CRAMP1: variants seen among roughly 807,000 people sequenced by gnomAD.
CRAMP1 encodes the protein cramped chromatin regulator 1, also known as protein cramped-like.
A neutral mutation model predicts 115.4 loss-of-function variants in CRAMP1; 50 were observed. The observed-to-expected ratio is 0.43, with a 90% CI of 0.35 to 0.55. The LOEUF (loss-of-function observed/expected upper bound fraction) is 0.55, where lower values mean the gene tolerates loss of function less well. Among genes scored for constraint, CRAMP1 ranks in the 20% least tolerant of loss-of-function variants. The pLI is 0.01. For synonymous variants in CRAMP1, 866 were observed against 745.4 expected (o/e 1.16, Z -2.64); for missense variants, 1,679 against 1,721.7 (o/e 0.98, Z 0.44).
intron 3 of CRAMP1, among the ~76,000 whole-genome samples, chr16:1,631,205 G>A (rs1183072062): frequency 2.0e-5 from 3 of 152,170 alleles, no homozygotes; most frequent in Admixed American, 6.6e-5. Flanking sequence ...TCCCCCACAC[G>A]TGCAGTTATT....
rs776622964 is a variant in CRAMP1 at position 1,653,141 on chromosome 16, A to T, written c.1022A>T (p.Gln341Leu). Residue 341 changes from glutamine to leucine, a missense_variant, in exon 8 of 21, where the codon CAG becomes CTG. Gln to Leu is a moderately radical substitution (Grantham distance 113). Coordinates refer to ENST00000397412, the MANE Select transcript of CRAMP1 (RefSeq NM_020825.4). Reference protein sequence around the residue: ...HAWARVQSLAQNPRLRMIVEL... With the variant: ...HAWARVQSLALNPRLRMIVEL... ...TGGGCCCGTGTGCAGAGCCTTGCCC[A>T]GAACCCACGCCTCAGGTAACATGGC... The T allele has an allele frequency of 6.2e-7, 1 of 1,609,792 alleles. No individual in the cohort carries two copies.
chr16:1,661,014 C>CAA (rs34310084), intron 11 of CRAMP1, among the ~76,000 whole-genome samples: 2 of 148,476 alleles, frequency 1.3e-5, no homozygotes, highest in East Asian at 2.0e-4. Context: ...ATCTCAAAAA[C>CAA]AAAAAAAAAC....
chr16:1,655,958 G>A lies in CRAMP1; in HGVS notation c.1201G>A (p.Gly401Ser), dbSNP rs1596493903. The A allele has an allele frequency of 1.2e-6, 2 of 1,613,000 alleles. No homozygotes were observed. Among genetic ancestry groups the A allele is most frequent in the African/African-American group, 2.7e-5 (2 of 74,934 alleles). Residue 401 changes from glycine to serine, a missense_variant, in exon 10 of 21, where the codon GGC becomes AGC. Physicochemically the swap from Gly to Ser is moderately conservative, Grantham distance 56. Coordinates refer to ENST00000397412, the MANE Select transcript of CRAMP1 (RefSeq NM_020825.4). ...QEKVTLHLFP[G>S]ENCTLTPLPG... ...GAAGGTGACACTGCACTTGTTCCCA[G>A]GCGAGAACTGTACACTGACACCGCT...
chr16:1,634,600 C>G (rs79606054), intron 4 of CRAMP1, among the ~76,000 whole-genome samples: 1,707 of 152,272 alleles, frequency 0.011, 31 homozygotes, highest in African/African-American at 0.039. Context: ...CTTGGTGTCT[C>G]CTGTTCGTGC....
Position 1,660,489 on chromosome 16 carries a change from C to G in CRAMP1, c.2413+426C>G, listed in dbSNP as rs768359522. On this transcript the variant is annotated intron_variant, in intron 11 of 20. Transcript: ENST00000397412. ...GGTGCCAGTAGGTTAACACAAGTCC[C>G]GGAAAGAATGATGGAGCAATCTCCA... 2.5e-4 allele frequency among the ~76,000 whole-genome samples: 38 copies of G among 152,102 alleles called. 1 individual carries two copies. The highest frequency in any genetic ancestry group is 1.5e-4 in the Non-Finnish European group (10 of 68,024).
At chr16:1,668,891 C>G in intron 18 of CRAMP1, 110 bp from the exon 19 acceptor site, 1 of 986,764 alleles carries the variant, frequency 1.0e-6, no homozygotes, top group South Asian at 1.4e-5. Flanking sequence ...TCTGGTTCAG[C>G]AGGGTAGAGC....
At chr16:1,630,270 G>C (rs539191299) in intron 3 of CRAMP1, among the ~76,000 whole-genome samples, 1 of 152,030 alleles carries the variant, frequency 6.6e-6, no homozygotes, top group African/African-American at 2.4e-5. Flanking sequence ...TCCTGCCTCA[G>C]CCTCCCACGT....
Position 1,657,042 on chromosome 16 carries a change from C to A in CRAMP1, c.2235+50C>A, listed in dbSNP as rs143723652. The A allele has an allele frequency of 9.7e-6, 14 of 1,437,934 alleles. No individual in the cohort carries two copies. The East Asian group carries it at 3.5e-4, about 36-fold the overall frequency. The allele number at this position is 1,437,934 out of a possible 1,614,324, so 89.1% of individuals were successfully genotyped here. On this transcript the variant is annotated intron_variant, in intron 10 of 20. Coordinates refer to ENST00000397412, the MANE Select transcript of CRAMP1 (RefSeq NM_020825.4). ...TCTGGCGGCCCAAGGGAAGCCAGGCCCAGCCTTGGAGGGCTCCCTGCTGGG... is the reference window on the plus strand; with the variant it reads ...TCTGGCGGCCCAAGGGAAGCCAGGCACAGCCTTGGAGGGCTCCCTGCTGGG...
Position 1,614,770 on chromosome 16 carries a change from G to A in CRAMP1, c.131G>A (p.Gly44Asp), listed in dbSNP as rs1268155436. 2 of 1,360,020 alleles carry A rather than the reference G, an allele frequency of 1.5e-6. No homozygotes were observed. The highest frequency in any genetic ancestry group is 6.3e-5 in the East Asian group (2 of 31,660). 84.2% of individuals were successfully genotyped at this position (1,360,020 alleles called of 1,614,324 possible). A position where few individuals can be genotyped will look rare whatever the true frequency, so the allele number is the denominator to read the frequency against. The change falls in exon 2 of 21, where the codon GGC becomes GAC. Residue 44 changes from glycine to aspartate, a missense_variant. Gly to Asp is a moderately conservative substitution (Grantham distance 94, BLOSUM62 -1). This residue lies in a region of CRAMP1 where 264 missense variants were observed against 229.7 expected (regional missense o/e 1.15). Coordinates refer to ENST00000397412, the MANE Select transcript of CRAMP1 (RefSeq NM_020825.4). This position sits in a 1 kb window ranked among gnomAD's most constrained non-coding sequence, Gnocchi z 4.4. ...GGADAAEESS[G>D]TKRDEKTPRA... ...GCAGACGCGGCCGAGGAGAGCAGCG[G>A]CACAAAGAGGGACGAGAAGACCCCC...
intron 10 of CRAMP1, among the ~76,000 whole-genome samples, chr16:1,658,179 A>T (rs1467553508): frequency 6.6e-6 from 1 of 152,120 alleles, no homozygotes; most frequent in Non-Finnish European, 1.5e-5. Flanking sequence ...CCTGGGGAGC[A>T]TCAAGGGGGC....
Position 1,656,151 on chromosome 16 carries a change from G to A in CRAMP1, c.1394G>A (p.Arg465Gln), listed in dbSNP as rs746105462. Residue 465 changes from arginine to glutamine, a missense_variant, in exon 10 of 21, where the codon CGG becomes CAG. Physicochemically the swap from Arg to Gln is conservative, Grantham distance 43. Around this residue, in one of 8 missense-constraint regions of CRAMP1, gnomAD observed 191 missense variants for 236.2 expected, o/e 0.81. Coordinates refer to ENST00000397412, the MANE Select transcript of CRAMP1 (RefSeq NM_020825.4). The surrounding 1 kb of genome is among the most constrained non-coding windows in gnomAD (Gnocchi z 5.6). ...GTARGQVKCP[R>Q]SGAEGKGVGR... is the part of the protein sequence containing the mutation. ...GCCCGGGGCCAGGTGAAATGCCCGC[G>A]GAGCGGAGCTGAGGGCAAGGGTGTG... 6.2e-6 allele frequency: 10 copies of A among 1,607,276 alleles called. No individual in the cohort carries two copies. The highest frequency in any genetic ancestry group is 2.7e-5 in the African/African-American group (2 of 74,968).
intron 10 of CRAMP1, among the ~76,000 whole-genome samples, chr16:1,657,331 C>T (rs566223546): frequency 2.6e-5 from 4 of 152,234 alleles, no homozygotes; most frequent in Non-Finnish European, 5.9e-5. Flanking sequence ...TGGAAGAAGA[C>T]GGCCAACAGG....
intron 4 of CRAMP1, among the ~76,000 whole-genome samples, chr16:1,634,300 C>T (rs2036569527): frequency 6.6e-6 from 1 of 152,216 alleles, no homozygotes; most frequent in African/African-American, 2.4e-5. Context: ...AATGCACATT[C>T]TACTTGCCAA....
chr16:1,664,967 C>T, intron 13 of CRAMP1, 90 bp from the exon 14 acceptor site: 1 of 891,950 alleles, frequency 1.1e-6, no homozygotes, highest in South Asian at 1.4e-5. Context: ...ATGCTGGGCA[C>T]CCTCTTACTT....
At chr16:1,620,481 C>T (rs2036457126) in intron 2 of CRAMP1, among the ~76,000 whole-genome samples, 1 of 152,128 alleles carries the variant, frequency 6.6e-6, no homozygotes, top group Admixed American at 6.6e-5. Context: ...ACGCTGACTC[C>T]CTCGCAGTTG....
At position 1,666,849 on chromosome 16, in the gene CRAMP1, A is replaced by G. The variant is rs1471313989; in HGVS notation, c.3036+249A>G. 1.3e-5 allele frequency among the ~76,000 whole-genome samples: 2 copies of G among 152,248 alleles called. No homozygotes were observed. ...CTCAGAGCTAAGACGGTGTGGAAAC[A>G]TAGCTCCATCTGAGAGTGACCATAA... is the stretch of plus-strand genomic sequence containing the variant. On this transcript the variant is annotated intron_variant, in intron 16 of 20. Coordinates refer to ENST00000397412, the MANE Select transcript of CRAMP1 (RefSeq NM_020825.4). The surrounding 1 kb of genome is among the most constrained non-coding windows in gnomAD (Gnocchi z 5.0).
Position 1,626,158 on chromosome 16 carries a change from C to A in CRAMP1, c.532C>A (p.Leu178Met). 1 of 1,514,126 alleles carries A rather than the reference C, an allele frequency of 6.6e-7. No individual in the cohort carries two copies. Among genetic ancestry groups the A allele is most frequent in the Non-Finnish European group, 8.9e-7 (1 of 1,125,810 alleles). The allele number at this position is 1,514,126 out of a possible 1,614,324, so 93.8% of individuals were successfully genotyped here. Residue 178 changes from leucine (L) to methionine (M), a missense_variant, in exon 3 of 21, where the codon CTG (leucine) becomes ATG (methionine). Physicochemically the swap from Leu to Met is conservative, Grantham distance 15. This residue lies in a region of CRAMP1 where 44 missense variants were observed against 92.4 expected (regional missense o/e 0.48). Transcript: ENST00000397412. ...TEDKNTFFEG[L>M]YEHGKDFEAI... ...GGACAAGAACACCTTCTTCGAGGGG[C>A]TGTACGAGGTGAGTAGGCTGTGGAG...
At chr16:1,645,718 C>T (rs1206205665) in intron 6 of CRAMP1, among the ~76,000 whole-genome samples, 1 of 152,182 alleles carries the variant, frequency 6.6e-6, no homozygotes, top group African/African-American at 2.4e-5. Flanking sequence ...GTCTCACTCT[C>T]TCTAGCTTCA....
In CRAMP1 at chr16:1,631,115, C is replaced by G. The variant is rs568733670; in HGVS notation, c.541-1097C>G. Among the ~76,000 whole-genome samples the G allele has an allele frequency of 6.6e-5, 10 of 152,348 alleles. No individual in the cohort carries two copies. The East Asian group carries it at 1.9e-3, about 29-fold the overall frequency. ...AGCAGTTGTTACTGTGCTGTTTGCT[C>G]CCAGTGAGGACCTTCTGTTTCCTTT... is the stretch of plus-strand genomic sequence containing the variant. On this transcript the variant is annotated intron_variant, in intron 3 of 20. Transcript: ENST00000397412.
Sources: allele counts gnomAD v4.1 joint callset (sites outside exome capture counted in the v4.1 genomes callset), GRCh38; gene constraint gnomAD v4.1.1; regional missense constraint gnomAD v4.1.1; non-coding constraint Gnocchi (gnomAD v3.1); transcripts MANE v1.5; gene names NCBI Gene and HGNC (gene_info 2026-07-23, HGNC 2026-07-21).